The following GPHN variants were observed in gnomAD, a reference collection of about 807,000 sequenced individuals.
GPHN encodes the protein gephyrin.
In GPHN, 17 loss-of-function variants were observed where a neutral mutation model predicts 95.5. That is an observed-to-expected ratio of 0.18 (90% CI 0.12 to 0.27). The LOEUF (loss-of-function observed/expected upper bound fraction) is 0.27. GPHN is among the 10% of genes least tolerant of loss of function. The pLI, the probability that GPHN is intolerant of heterozygous loss-of-function variation, is 1.00. For missense variants in GPHN, 660 were observed against 978.1 expected, an observed-to-expected ratio of 0.67 and a Z score of 4.34; for synonymous variants, 320 against 322.5, an observed-to-expected ratio of 0.99 and a Z score of 0.08.
rs761412853 is a variant in GPHN, at chr14:67,179,622, G to A, written c.2124G>A (p.Arg708=). 7.5e-6 allele frequency: 12 copies of A among 1,609,134 alleles called. No individual in the cohort carries two copies. The East Asian group carries it at 2.0e-4, about 27-fold the overall frequency. ...VKLDPRPEYH[R]CILTWHHQEP... ...TTGATCCTCGTCCAGAATACCATCG[G>A]TGTATACTAACTTGGCATCACCAAG... The change falls in exon 22 of 23, where the codon CGG becomes CGA. Residue 708 remains arginine (R), a synonymous_variant. Coordinates refer to ENST00000478722, the MANE Select transcript of GPHN (RefSeq NM_020806.5).
intron 10 of GPHN, among the ~76,000 whole-genome samples, chr14:67,033,403 A>C (rs926092147): frequency 1.3e-5 from 2 of 152,022 alleles, no homozygotes; most frequent in Non-Finnish European, 2.9e-5. Flanking sequence ...ATCTCTACTA[A>C]AAATAAAAAA....
chr14:67,347,515 TTC>T, the GPHN span: 322 of 1,442,064 alleles, frequency 2.2e-4, 2 homozygotes, highest in East Asian at 1.1e-3. Flanking sequence ...TTTTTTTTTT[TTC>T]TGAGACGGAG....
At chr14:67,726,107 T>C in the GPHN span, 3 of 1,614,092 alleles carry the variant, frequency 1.9e-6, no homozygotes, top group East Asian at 2.2e-5. Flanking sequence ...GTGTCCATAT[T>C]CCAAGACAGC....
the GPHN span, among the ~76,000 whole-genome samples, chr14:67,720,654 C>T: frequency 6.6e-6 from 1 of 152,274 alleles, no homozygotes; most frequent in East Asian, 1.9e-4. Context: ...TCTTGCCTTT[C>T]CATTCTGTTC....
At chr14:66,883,379 T>C (rs1467838322) in intron 5 of GPHN, among the ~76,000 whole-genome samples, 1 of 152,024 alleles carries the variant, frequency 6.6e-6, no homozygotes, top group Non-Finnish European at 1.5e-5. Flanking sequence ...ATGGTTTCCA[T>C]TTCTCTACTA....
At chr14:67,008,127 C>T (rs925442961) in intron 9 of GPHN, among the ~76,000 whole-genome samples, 7 of 152,040 alleles carry the variant, frequency 4.6e-5, no homozygotes, top group African/African-American at 1.7e-4. Context: ...TTTTAAACAT[C>T]CCACCTGCAA....
chr14:67,144,264 T>TAC (rs1415844343), intron 18 of GPHN, among the ~76,000 whole-genome samples: 1,062 of 83,074 alleles, frequency 0.013, 187 homozygotes, highest in African/African-American at 0.076. Context: ...TATATATATA[T>TAC]ATATATATAT....
chr14:66,678,016 A>T (rs186981697), intron 1 of GPHN, among the ~76,000 whole-genome samples: 12 of 152,150 alleles, frequency 7.9e-5, no homozygotes, highest in Non-Finnish European at 1.5e-4. Context: ...TGCTGTTTTT[A>T]GAATTATTTC....
chr14:66,789,405 C>G (rs776178169), intron 3 of GPHN, among the ~76,000 whole-genome samples: 6 of 152,176 alleles, frequency 3.9e-5, no homozygotes, highest in Non-Finnish European at 8.8e-5. Context: ...AATTAGAGCT[C>G]TTTCCTATGT....
intron 3 of GPHN, among the ~76,000 whole-genome samples, chr14:66,807,747 T>C (rs2060605179): frequency 6.6e-6 from 1 of 152,244 alleles, no homozygotes; most frequent in East Asian, 1.9e-4. Flanking sequence ...TTTTATTAAA[T>C]ATACAAGAAT....
chr14:67,677,571 T>C, the GPHN span: 3 of 151,942 alleles, frequency 2.0e-5, no homozygotes, highest in African/African-American at 7.3e-5. Context: ...GTATTCTCCT[T>C]CTCTTTTTTT....
At chr14:67,458,724 T>A in the GPHN span, among the ~76,000 whole-genome samples, 1 of 152,124 alleles carries the variant, frequency 6.6e-6, no homozygotes, top group Non-Finnish European at 1.5e-5. Context: ...TCCTTACTTA[T>A]TTTTTGGTTT....
At chr14:66,598,941 C>T (rs1205608277) in intron 1 of GPHN, among the ~76,000 whole-genome samples, 4 of 151,670 alleles carry the variant, frequency 2.6e-5, no homozygotes, top group African/African-American at 2.4e-5. Context: ...GAGGGAAGGC[C>T]GTAGTTTGGG....
chr14:66,903,915 C>T (rs893974520), intron 5 of GPHN, among the ~76,000 whole-genome samples: 12 of 152,054 alleles, frequency 7.9e-5, no homozygotes, highest in Non-Finnish European at 2.9e-5. Context: ...GGAACAGAAA[C>T]TGAAAAAATG....
At chr14:66,534,505 A>T (rs2059062097) in intron 1 of GPHN, among the ~76,000 whole-genome samples, 1 of 152,132 alleles carries the variant, frequency 6.6e-6, no homozygotes, top group Non-Finnish European at 1.5e-5. Flanking sequence ...TCTTCTGTTA[A>T]TGGACATTTG....
chr14:67,600,093 C>G, the GPHN span: 1 of 1,595,174 alleles, frequency 6.3e-7, no homozygotes, highest in Non-Finnish European at 8.5e-7. Context: ...GCGAACGCAG[C>G]GAGAGCCGAG....
At position 67,134,376 on chromosome 14, in the gene GPHN, CATG is replaced by C. The variant is rs2079910308; in HGVS notation, c.1749-8983_1749-8981del. On this transcript the variant is annotated intron_variant, in intron 17 of 22. Coordinates refer to ENST00000478722, the MANE Select transcript of GPHN (RefSeq NM_020806.5). ...CCAAATAAGTTGGCTTCCTCTTTTACATGATATTTGAATATACAGTTGTTTCAC... is the reference window on the plus strand; with the variant it reads ...CCAAATAAGTTGGCTTCCTCTTTTACATATTTGAATATACAGTTGTTTCAC... Among the ~76,000 whole-genome samples the C allele has an allele frequency of 5.3e-5, 8 of 152,350 alleles. No homozygotes were observed. In the South Asian group the frequency reaches 1.7e-3, roughly 32 times the overall value.
chr14:66,855,227 T>C (rs985570846), intron 4 of GPHN, among the ~76,000 whole-genome samples: 1 of 152,184 alleles, frequency 6.6e-6, no homozygotes, highest in Non-Finnish European at 1.5e-5. Context: ...TACTACCTGT[T>C]TTTAAAACTT....
At chr14:66,880,173 TAATA>T in intron 5 of GPHN, 140 bp downstream of exon 5, 3 of 684,724 alleles carry the variant, frequency 4.4e-6, no homozygotes, top group Middle Eastern at 6.2e-4. Context: ...ACTAATCACT[TAATA>T]AATATTACCT....
Sources: gnomAD v4.1 joint callset for allele counts (sites outside exome capture counted in the v4.1 genomes callset) on GRCh38, gnomAD v4.1.1 for gene constraint, MANE v1.5 for transcripts, NCBI Gene and HGNC (gene_info 2026-07-23, HGNC 2026-07-21) for gene names.